Variants in CADPS observed in about 807,000 individuals in gnomAD.
CADPS encodes the protein calcium dependent secretion activator.
Under a neutral mutation model 167.3 loss-of-function variants are expected in CADPS, and 57 were observed. The observed-to-expected ratio is 0.34, with a 90% CI of 0.28 to 0.42. CADPS has a LOEUF of 0.42. CADPS is among the 20% of genes least tolerant of loss of function. The pLI, the probability that CADPS is intolerant of heterozygous loss-of-function variation, is 1.00. For synonymous variants in CADPS, 676 were observed against 635.3 expected, an observed-to-expected ratio of 1.06 and a Z score of -0.96; for missense variants, 1,414 against 1,738.1, an observed-to-expected ratio of 0.81 and a Z score of 3.32.
At chr3:62,599,904 T>TTATATATAATATACAATATATTA (rs1553969711) in intron 6 of CADPS, among the ~76,000 whole-genome samples, 55 of 81,820 alleles carry the variant, frequency 6.7e-4, no homozygotes, top group Middle Eastern at 5.6e-3. Context: ...ATATACCATA[T>TTATATATAATATACAATATATTA]TATATATAAT....
intron 21 of CADPS, among the ~76,000 whole-genome samples, chr3:62,487,769 G>T (rs1043890401): frequency 8.6e-5 from 13 of 152,028 alleles, no homozygotes; most frequent in African/African-American, 3.1e-4. Flanking sequence ...AACCTTAATT[G>T]TATCAAGCCT....
chr3:62,423,420 C>T (rs1473027964), intron 28 of CADPS, among the ~76,000 whole-genome samples: 2 of 152,158 alleles, frequency 1.3e-5, no homozygotes, highest in Non-Finnish European at 2.9e-5. Context: ...TGCGGTGATC[C>T]ATGAGGGAAA....
rs529492379 is a variant in CADPS, at chr3:62,787,601, G to T, written c.442-21617C>A. On this transcript the variant is annotated intron_variant, in intron 1 of 29. Transcript: ENST00000383710. ...TTAATAAATGAGTACAAAGAAGAGG[G>T]TATCCTCAAAATGTTTTACTGATAG... Among the ~76,000 whole-genome samples the T allele has an allele frequency of 3.9e-5, 6 of 152,140 alleles. No homozygotes were observed. The South Asian group carries it at 8.3e-4, about 21-fold the overall frequency.
At chr3:62,664,449 A>C (rs2048496) in intron 3 of CADPS, among the ~76,000 whole-genome samples, 1 of 152,134 alleles carries the variant, frequency 6.6e-6, no homozygotes, top group African/African-American at 2.4e-5. Context: ...GTCCATCCCA[A>C]TAACCACTTG....
intron 13 of CADPS, 63 bp downstream of exon 13, chr3:62,532,808 C>T (rs993731237): frequency 8.6e-5 from 128 of 1,491,002 alleles, no homozygotes; most frequent in Admixed American, 7.5e-4. Context: ...GCAAGACTAG[C>T]CATAAACCAT....
chr3:62,459,432 G>C (rs1278471438), intron 26 of CADPS, among the ~76,000 whole-genome samples: 1 of 152,166 alleles, frequency 6.6e-6, no homozygotes, highest in Non-Finnish European at 1.5e-5. Flanking sequence ...CTCCATGCCT[G>C]TCATTTTTCT....
intron 27 of CADPS, among the ~76,000 whole-genome samples, chr3:62,442,341 G>A (rs545258238): frequency 6.6e-6 from 1 of 151,884 alleles, no homozygotes; most frequent in Admixed American, 6.6e-5. Flanking sequence ...CCTCTCTGGA[G>A]GAGGTAGCTG....
chr3:62,750,172 A>G (rs2082375479), intron 3 of CADPS, among the ~76,000 whole-genome samples: 2 of 151,620 alleles, frequency 1.3e-5, no homozygotes, highest in African/African-American at 2.4e-5. Flanking sequence ...GCCAACATGG[A>G]AAAACCCACC....
intron 1 of CADPS, among the ~76,000 whole-genome samples, chr3:62,865,385 TAAAAA>T (rs35780515): frequency 9.1e-5 from 10 of 110,128 alleles, no homozygotes; most frequent in African/African-American, 2.4e-4. Context: ...ACTTAAGGAT[TAAAAA>T]AAAAAAAAAA....
chr3:62,668,695 A>C (rs998923281), intron 3 of CADPS, among the ~76,000 whole-genome samples: 1 of 152,130 alleles, frequency 6.6e-6, no homozygotes, highest in Admixed American at 6.5e-5. Context: ...TGTAAGCTCC[A>C]TAAGGGCAGG....
chr3:62,841,377 CT>C (rs1487578887), intron 1 of CADPS, among the ~76,000 whole-genome samples: 8 of 152,160 alleles, frequency 5.3e-5, no homozygotes, highest in African/African-American at 1.9e-4. Flanking sequence ...AAATTCTTTA[CT>C]ATCAGGTACT....
intron 4 of CADPS, among the ~76,000 whole-genome samples, chr3:62,656,452 C>G (rs1452624624): frequency 1.3e-5 from 2 of 152,172 alleles, no homozygotes; most frequent in Middle Eastern, 3.2e-3. Context: ...TAGAGTTAAA[C>G]TTGAAACCTA....
rs545096179 is a variant in CADPS at position 62,853,512 on chromosome 3, C to G, written c.441+21077G>C. On this transcript the variant is annotated intron_variant, in intron 1 of 29. Coordinates refer to ENST00000383710, the MANE Select transcript of CADPS (RefSeq NM_003716.4). ...TGGTGGCAGGTGCCTGTAATCCCAG[C>G]TACTCGGGAGGCTGAGGCAGGGGAA... Among the ~76,000 whole-genome samples the G allele has an allele frequency of 4.0e-5, 6 of 151,816 alleles. No homozygotes were observed. In the East Asian group the frequency reaches 7.8e-4, roughly 20 times the overall value.
At chr3:62,666,634 T>G (rs1032620625) in intron 3 of CADPS, among the ~76,000 whole-genome samples, 1 of 152,224 alleles carries the variant, frequency 6.6e-6, no homozygotes, top group African/African-American at 2.4e-5. Context: ...TGTGGTTGTT[T>G]TGACTTGTCA....
In CADPS at chr3:62,649,543, C is replaced by CTTTTTTTTTTTTTTTTT. The variant is rs369874258; in HGVS notation, c.1203+1287_1203+1303dup. Among the ~76,000 whole-genome samples the CTTTTTTTTTTTTTTTTT allele has an allele frequency of 7.9e-5, 3 of 37,786 alleles. 1 individual carries two copies. The highest frequency in any genetic ancestry group is 2.2e-4 in the African/African-American group (2 of 8,994). The allele number at this position is 37,786 out of a possible 152,430, so 24.8% of individuals were successfully genotyped here. A position where few individuals can be genotyped will look rare whatever the true frequency, so the allele number is the denominator to read the frequency against. On this transcript the variant is annotated intron_variant, in intron 5 of 29. Coordinates refer to ENST00000383710, the MANE Select transcript of CADPS (RefSeq NM_003716.4). ...TCAAGGGAATCATACAATATGTGGTCTTTTTTTTTTTTTTTTTTTTTTTTT... is the reference window on the plus strand; with the variant it reads ...TCAAGGGAATCATACAATATGTGGTCTTTTTTTTTTTTTTTTTTTTTTTTTTTTTTTTTTTTTTTTTT...
chr3:62,642,916 A>ACAAAT (rs1300787599), intron 6 of CADPS, among the ~76,000 whole-genome samples: 1 of 17,874 alleles, frequency 5.6e-5, no homozygotes, highest in Non-Finnish European at 1.3e-4. Context: ...ATCTCAAAAG[A>ACAAAT]CAAAACAAAA....
intron 1 of CADPS, chr3:62,779,299 G>T: frequency 5.3e-6 from 2 of 374,144 alleles, no homozygotes. Context: ...CTTCTGGGTT[G>T]CAGCCTTCTT....
At chr3:62,617,898 G>A (rs968026904) in intron 6 of CADPS, among the ~76,000 whole-genome samples, 2 of 152,100 alleles carry the variant, frequency 1.3e-5, no homozygotes, top group Non-Finnish European at 1.5e-5. Context: ...CCTGCTCAAC[G>A]TCCTTGCCCC....
At chr3:62,442,629 A>T (rs1238234092) in intron 27 of CADPS, among the ~76,000 whole-genome samples, 1 of 152,174 alleles carries the variant, frequency 6.6e-6, no homozygotes, top group African/African-American at 2.4e-5. Context: ...TTGAGCTACC[A>T]ATGTGCTCTC....
Sources: allele counts gnomAD v4.1 joint callset (sites outside exome capture counted in the v4.1 genomes callset), GRCh38; gene constraint gnomAD v4.1.1; transcripts MANE v1.5; gene names NCBI Gene and HGNC (gene_info 2026-07-23, HGNC 2026-07-21).